Variants in SGCD observed in about 807,000 individuals in gnomAD.
SGCD encodes the protein delta-sarcoglycan.
SGCD carries 18 observed loss-of-function variants against 36.6 expected under a neutral mutation model. The observed-to-expected ratio is 0.49, with a 90% CI of 0.34 to 0.73. The LOEUF (loss-of-function observed/expected upper bound fraction) is 0.73. Among genes scored for constraint, SGCD ranks in the 30% least tolerant of loss-of-function variants. SGCD has a pLI of 0.01. For missense variants in SGCD, 387 were observed against 346.7 expected (o/e 1.12, Z -0.92); for synonymous variants, 133 against 130.6 (o/e 1.02, Z -0.12).
intron 1 of SGCD, among the ~76,000 whole-genome samples, chr5:156,038,201 C>G (rs1413604692): frequency 6.6e-6 from 1 of 152,108 alleles, no homozygotes; most frequent in Non-Finnish European, 1.5e-5. Context: ...CTCAGCCAAT[C>G]ATGAGAAAGC....
At chr5:156,062,182 G>A (rs1242725976) in intron 1 of SGCD, among the ~76,000 whole-genome samples, 1 of 84,346 alleles carries the variant, frequency 1.2e-5, no homozygotes, top group Non-Finnish European at 2.0e-5. Context: ...AATATGCGGT[G>A]TTTGGTTTTT....
chr5:155,752,503 T>G, the SGCD span, among the ~76,000 whole-genome samples: 5 of 152,330 alleles, frequency 3.3e-5, no homozygotes, highest in East Asian at 1.9e-4. Context: ...ATTCTGTACC[T>G]AGTTGGTTGA....
At chr5:156,351,807 G>C (rs1354511987) in intron 3 of SGCD, among the ~76,000 whole-genome samples, 1 of 152,102 alleles carries the variant, frequency 6.6e-6, no homozygotes, top group African/African-American at 2.4e-5. Context: ...TAAAGCCTCA[G>C]AGTAGAGATT....
chr5:156,097,007 A>C (rs1761394477), intron 1 of SGCD, among the ~76,000 whole-genome samples: 1 of 151,460 alleles, frequency 6.6e-6, no homozygotes, highest in Non-Finnish European at 1.5e-5. Context: ...TTTTTCTTTC[A>C]GTGCTTGAAA....
chr5:156,035,346 T>G (rs1240039889), intron 1 of SGCD, among the ~76,000 whole-genome samples: 2 of 152,182 alleles, frequency 1.3e-5, no homozygotes, highest in Non-Finnish European at 2.9e-5. Context: ...TGGTGGCTCA[T>G]GCCTTTAACC....
intron 3 of SGCD, among the ~76,000 whole-genome samples, chr5:156,478,495 G>C (rs1755288178): frequency 2.0e-5 from 3 of 152,220 alleles, no homozygotes; most frequent in Non-Finnish European, 1.5e-5. Context: ...CAGCAATTCT[G>C]TCGCTTGGTG....
chr5:156,088,203 C>A (rs1761150181), intron 1 of SGCD, among the ~76,000 whole-genome samples: 2 of 151,926 alleles, frequency 1.3e-5, no homozygotes, highest in South Asian at 2.1e-4. Context: ...TTGAAGAAAC[C>A]TGTTTTTATA....
intron 7 of SGCD, among the ~76,000 whole-genome samples, chr5:156,738,038 T>C (rs1199306995): frequency 2.0e-5 from 3 of 152,204 alleles, no homozygotes; most frequent in African/African-American, 7.2e-5. Flanking sequence ...TTACTTTTAA[T>C]TGCTAATTAA....
chr5:156,216,546 C>G (rs887155194), intron 3 of SGCD, among the ~76,000 whole-genome samples: 5 of 152,230 alleles, frequency 3.3e-5, no homozygotes, highest in Admixed American at 2.6e-4. Flanking sequence ...ATTACCAGCT[C>G]TCTCTTATGT....
chr5:156,480,117 G>A (rs769574530), intron 3 of SGCD, among the ~76,000 whole-genome samples: 2 of 152,200 alleles, frequency 1.3e-5, no homozygotes, highest in Non-Finnish European at 2.9e-5. Flanking sequence ...GTGCCAGTGA[G>A]CATGTTCCCT....
At chr5:156,199,525 C>A (rs957959592) in intron 3 of SGCD, among the ~76,000 whole-genome samples, 10 of 152,174 alleles carry the variant, frequency 6.6e-5, no homozygotes, top group Non-Finnish European at 1.3e-4. Context: ...GTAGTAGAAG[C>A]AGTACAGAAG....
At chr5:155,800,012 T>TACCC in the SGCD span, among the ~76,000 whole-genome samples, 1 of 151,842 alleles carries the variant, frequency 6.6e-6, no homozygotes, top group Non-Finnish European at 1.5e-5. Flanking sequence ...AGAGATGGGG[T>TACCC]TTCACCATGT....
intron 2 of SGCD, among the ~76,000 whole-genome samples, chr5:156,335,913 G>A (rs1244040066): frequency 5.3e-5 from 8 of 152,066 alleles, no homozygotes; most frequent in Non-Finnish European, 8.8e-5. Flanking sequence ...CAGTAGTCGC[G>A]GGCACCTGTT....
At chr5:155,920,577 G>T (rs1756855765) in intron 1 of SGCD, among the ~76,000 whole-genome samples, 1 of 152,166 alleles carries the variant, frequency 6.6e-6, no homozygotes, top group South Asian at 2.1e-4. Flanking sequence ...AACAGAGCCA[G>T]TATTTAGTTG....
the SGCD span, among the ~76,000 whole-genome samples, chr5:155,799,829 T>G: frequency 7.1e-6 from 1 of 141,632 alleles, no homozygotes; most frequent in Non-Finnish European, 1.5e-5. Flanking sequence ...TTTTTTTTTT[T>G]TTTTTTTTGG....
chr5:155,756,427 A>G, the SGCD span, among the ~76,000 whole-genome samples: 3 of 152,244 alleles, frequency 2.0e-5, no homozygotes, highest in East Asian at 5.8e-4. Flanking sequence ...TTTTTATTCC[A>G]TATGTTGATC....
At chr5:156,677,129 T>C (rs138642574) in intron 7 of SGCD, among the ~76,000 whole-genome samples, 1 of 152,350 alleles carries the variant, frequency 6.6e-6, no homozygotes, top group East Asian at 1.9e-4. Context: ...TTCAGGGGCA[T>C]GCAGGAAGAT....
chr5:155,985,192 A>T (rs1426400435), intron 1 of SGCD, among the ~76,000 whole-genome samples: 1 of 152,148 alleles, frequency 6.6e-6, no homozygotes, highest in Non-Finnish European at 1.5e-5. Context: ...TGGGCATAGG[A>T]TGGTTCAGCT....
intron 1 of SGCD, among the ~76,000 whole-genome samples, chr5:155,977,173 C>T (rs1399053393): frequency 6.6e-6 from 1 of 152,140 alleles, no homozygotes; most frequent in Non-Finnish European, 1.5e-5. Flanking sequence ...TGCCCTGGCC[C>T]CTTGTTTGTC....
Sources: allele counts gnomAD v4.1 joint callset (sites outside exome capture counted in the v4.1 genomes callset), GRCh38; gene constraint gnomAD v4.1.1; transcripts MANE v1.5; gene names NCBI Gene and HGNC (gene_info 2026-07-23, HGNC 2026-07-21).